Variants in OAS1 observed in about 807,000 individuals in gnomAD.
OAS1 encodes the protein 2'-5'-oligoadenylate synthetase 1, also known as 2'-5'-oligoadenylate synthase 1.
A neutral mutation model predicts 38.5 loss-of-function variants in OAS1; 24 were observed. The ratio of observed to expected loss-of-function variants is 0.62; its 90% CI spans 0.45 to 0.88. The LOEUF (loss-of-function observed/expected upper bound fraction) is 0.88, where lower values mean the gene tolerates loss of function less well. OAS1 is among the 40% of genes least tolerant of loss of function. OAS1 has a pLI of 0.00. For missense variants in OAS1, 482 were observed against 493.9 expected (o/e 0.98, Z 0.23); for synonymous variants, 169 against 193.9 (o/e 0.87, Z 1.07).
At chr12:112,931,435 G>C (rs2043596046) in intron 6 of OAS1, among the ~76,000 whole-genome samples, 1 of 152,154 alleles carries the variant, frequency 6.6e-6, no homozygotes, top group African/African-American at 2.4e-5. Flanking sequence ...ATCTCTAAAA[G>C]GAAGCTGACA....
chr12:112,908,390 C>A, intron 1 of OAS1, 146 bp from the exon 2 acceptor site: 1 of 694,060 alleles, frequency 1.4e-6, no homozygotes, highest in Non-Finnish European at 2.3e-6. Context: ...ATCATAGCAT[C>A]ATTGTGAGCA....
chr12:112,917,857 T>C (rs1396791580), intron 5 of OAS1, 157 bp downstream of exon 5: 1 of 1,543,266 alleles, frequency 6.5e-7, no homozygotes, highest in African/African-American at 1.4e-5. Flanking sequence ...TTTACAGTCA[T>C]TTTGGTCACA....
At chr12:112,916,382 G>A (rs1388434982) in intron 3 of OAS1, 127 bp from the exon 4 acceptor site, 38 of 678,202 alleles carry the variant, frequency 5.6e-5, no homozygotes, top group East Asian at 4.3e-4. Flanking sequence ...ATAAATGAAT[G>A]AGCCTGGATT....
downstream of OAS1, among the ~76,000 whole-genome samples, chr12:112,921,015 T>C (rs1284280295): frequency 6.6e-6 from 1 of 152,184 alleles, no homozygotes; most frequent in Non-Finnish European, 1.5e-5. Context: ...CCTCATTCAT[T>C]GAAAGCTTAT....
At chr12:112,927,282 C>A (rs946864392) in intron 6 of OAS1, among the ~76,000 whole-genome samples, 5 of 152,170 alleles carry the variant, frequency 3.3e-5, no homozygotes, top group African/African-American at 7.2e-5. Context: ...GAAATCTTCA[C>A]AATTTATGTT....
At chr12:112,930,059 G>A (rs977584651) in intron 6 of OAS1, among the ~76,000 whole-genome samples, 1 of 152,082 alleles carries the variant, frequency 6.6e-6, no homozygotes, top group Admixed American at 6.5e-5. Context: ...TAACACCATC[G>A]CCTTGGTGCT....
At chr12:112,931,314 G>A (rs2043595464) in intron 6 of OAS1, among the ~76,000 whole-genome samples, 1 of 152,178 alleles carries the variant, frequency 6.6e-6, no homozygotes, top group African/African-American at 2.4e-5. Context: ...GGAGGAAGGA[G>A]CTAAAAGCAA....
At position 112,908,550 on chromosome 12, in the gene OAS1, C is replaced by G. The variant is rs753120137; in HGVS notation, c.195C>G (p.Gly65=). The change falls in exon 2 of 6, where the codon GGC becomes GGG. Residue 65 remains glycine, a synonymous_variant. Coordinates refer to ENST00000202917, the MANE Select transcript of OAS1 (RefSeq NM_016816.4). ...GTCTTTTTCAGGGTGGCTCCTCAGG[C>G]AAGGGCACCACCCTCAGAGGCCGAT... ...VSKVVKGGSS[G]KGTTLRGRSD... 2 of 1,612,644 alleles carry G rather than the reference C, an allele frequency of 1.2e-6. No individual in the cohort carries two copies. The highest frequency in any genetic ancestry group is 2.7e-5 in the African/African-American group (2 of 74,988).
chr12:112,929,652 TA>T (rs1310668264), intron 6 of OAS1, among the ~76,000 whole-genome samples: 2 of 152,220 alleles, frequency 1.3e-5, no homozygotes, highest in African/African-American at 4.8e-5. Flanking sequence ...TTAACATCTT[TA>T]TTTTAGAGAT....
chr12:112,929,379 A>C (rs2043583297), intron 6 of OAS1, among the ~76,000 whole-genome samples: 1 of 152,188 alleles, frequency 6.6e-6, no homozygotes, highest in South Asian at 2.1e-4. Flanking sequence ...AGTTCTCTCC[A>C]GGGCAATCTC....
Position 112,917,577 on chromosome 12 carries a change from A to G in OAS1, c.915A>G (p.Thr305=), listed in dbSNP as rs1162342240. 4 of 1,614,174 alleles carry G rather than the reference A, an allele frequency of 2.5e-6. No homozygotes were observed. The highest frequency in any genetic ancestry group is 3.4e-6 in the Non-Finnish European group (4 of 1,180,016). The change falls in exon 5 of 6, where the codon ACA becomes ACG. Residue 305 remains threonine (T), a synonymous_variant. Coordinates refer to ENST00000202917, the MANE Select transcript of OAS1 (RefSeq NM_016816.4). ...TGATCCTGGACCCGGCGGACCCTACAGGAAACTTGGGTGGTGGAGACCCAA... is the reference window on the plus strand; with the variant it reads ...TGATCCTGGACCCGGCGGACCCTACGGGAAACTTGGGTGGTGGAGACCCAA... The part of the protein sequence containing the change: ...RPVILDPADP[T]GNLGGGDPKG...
At position 112,908,645 on chromosome 12, in the gene OAS1, A is replaced by G; in HGVS notation, c.290A>G (p.Glu97Gly). ...TFQDQLNRRGEFIQEIRRQLE... is the reference protein window; with the variant it reads ...TFQDQLNRRGGFIQEIRRQLE... ...CAGGATCAGTTAAATCGCCGGGGAG[A>G]GTTCATCCAGGAAATTAGGAGACAG... The change falls in exon 2 of 6, where the codon GAG becomes GGG. Residue 97 changes from glutamate to glycine, a missense_variant. Glu to Gly is a moderately conservative substitution (Grantham distance 98). Transcript: ENST00000202917. 6.2e-7 allele frequency: 1 copy of G among 1,614,054 alleles called. No individual in the cohort carries two copies. Among genetic ancestry groups the G allele is most frequent in the Admixed American group, 1.7e-5 (1 of 60,014 alleles).
At chr12:112,924,262 C>G (rs1256246444), downstream of OAS1, among the ~76,000 whole-genome samples, 1 of 152,200 alleles carries the variant, frequency 6.6e-6, no homozygotes, top group East Asian at 1.9e-4. Flanking sequence ...TGAGTTAACA[C>G]AACCTTGTCT....
intron 3 of OAS1, among the ~76,000 whole-genome samples, chr12:112,915,013 T>C (rs1351564995): frequency 1.3e-5 from 2 of 152,114 alleles, no homozygotes; most frequent in African/African-American, 2.4e-5. Context: ...TCTTTGTAGA[T>C]TCTGGATATT....
chr12:112,911,196 C>T lies in OAS1; in HGVS notation c.615C>T (p.Leu205=). The T allele has an allele frequency of 6.2e-7, 1 of 1,613,658 alleles. No homozygotes were observed. Among genetic ancestry groups the T allele is most frequent in the Non-Finnish European group, 8.5e-7 (1 of 1,179,910 alleles). Residue 205 remains leucine (L), a synonymous_variant, in exon 3 of 6, where the codon CTC becomes CTT. Transcript: ENST00000202917. The part of the protein sequence containing the change: ...RDFLKQRPTK[L]KSLIRLVKHW... The stretch of plus-strand genomic sequence containing the variant: ...TCCTGAAGCAGCGCCCCACCAAGCT[C>T]AAGAGCCTCATCCGCCTAGTCAAGC...
At chr12:112,930,401 A>T (rs776718459) in intron 6 of OAS1, among the ~76,000 whole-genome samples, 7 of 152,248 alleles carry the variant, frequency 4.6e-5, no homozygotes, top group Non-Finnish European at 1.0e-4. Flanking sequence ...CACACCACTG[A>T]TAAAGGACAG....
intron 1 of OAS1, 116 bp downstream of exon 1, chr12:112,907,335 G>T: frequency 1.1e-6 from 1 of 929,012 alleles, no homozygotes; most frequent in Non-Finnish European, 1.7e-6. Flanking sequence ...GTGCAAATGT[G>T]AGTACAGAGA....
chr12:112,916,419 G>T, intron 3 of OAS1, 90 bp from the exon 4 acceptor site: 1 of 897,908 alleles, frequency 1.1e-6, no homozygotes. Flanking sequence ...TATAAAAACA[G>T]GTGGCAGGCT....
chr12:112,919,721 A>G lies in OAS1; in HGVS notation c.*168A>G, dbSNP rs1467213281. Reference sequence around the variant, plus strand: ...CCTGGCCTTCTATGCCCTCTATCCTATCATAGATAACATTCTCCACAGCCT... The same window carrying G: ...CCTGGCCTTCTATGCCCTCTATCCTGTCATAGATAACATTCTCCACAGCCT... On this transcript the variant is annotated 3_prime_UTR_variant, in exon 6 of 6. Transcript: ENST00000202917. 2 of 1,502,480 alleles carry G rather than the reference A, an allele frequency of 1.3e-6. No homozygotes were observed. Among genetic ancestry groups the G allele is most frequent in the South Asian group, 2.6e-5 (2 of 76,234 alleles). 93.1% of individuals were successfully genotyped at this position (1,502,480 alleles called of 1,614,324 possible).
Sources: allele counts gnomAD v4.1 joint callset (sites outside exome capture counted in the v4.1 genomes callset), GRCh38; gene constraint gnomAD v4.1.1; transcripts MANE v1.5; gene names NCBI Gene and HGNC (gene_info 2026-07-23, HGNC 2026-07-21).